Variants in FOXP2 observed in about 807,000 individuals in gnomAD.
The protein encoded by FOXP2 is forkhead box protein P2.
In FOXP2, 12 loss-of-function variants were observed where a neutral mutation model predicts 115.8. The observed-to-expected ratio is 0.10, with a 90% CI of 0.07 to 0.17. The LOEUF (loss-of-function observed/expected upper bound fraction) is 0.17, where lower values mean the gene tolerates loss of function less well. Among genes scored for constraint, FOXP2 ranks in the 10% least tolerant of loss-of-function variants. The pLI is 1.00. For synonymous variants in FOXP2, 328 were observed against 297.7 expected, an observed-to-expected ratio of 1.10 and a Z score of -1.05; for missense variants, 629 against 843.5, an observed-to-expected ratio of 0.75 and a Z score of 3.15.
chr7:114,386,913 C>T (rs1014865196), intron 2 of FOXP2, among the ~76,000 whole-genome samples: 3 of 152,146 alleles, frequency 2.0e-5, no homozygotes, highest in African/African-American at 4.8e-5. Context: ...AATTATTTCA[C>T]TTAATATCCC....
chr7:114,196,156 C>T (rs1436074720), intron 1 of FOXP2, among the ~76,000 whole-genome samples: 4 of 151,908 alleles, frequency 2.6e-5, no homozygotes, highest in Non-Finnish European at 4.4e-5. Context: ...GGGACTAGGG[C>T]GCGCGTCACC....
At chr7:114,416,887 C>A (rs1793372239) in intron 1 of FOXP2, among the ~76,000 whole-genome samples, 1 of 151,618 alleles carries the variant, frequency 6.6e-6, no homozygotes, top group Non-Finnish European at 1.5e-5. Flanking sequence ...TATTAGAAAA[C>A]AACTTGTTTG....
At chr7:114,479,655 G>C (rs1276511936) in intron 2 of FOXP2, among the ~76,000 whole-genome samples, 1 of 151,358 alleles carries the variant, frequency 6.6e-6, no homozygotes, top group Non-Finnish European at 1.5e-5. Flanking sequence ...GAAAGTGTGT[G>C]TGTTTTAAAA....
intron 1 of FOXP2, among the ~76,000 whole-genome samples, chr7:114,113,894 C>T (rs1791337386): frequency 1.3e-5 from 2 of 151,916 alleles, no homozygotes; most frequent in African/African-American, 4.8e-5. Flanking sequence ...TTTAAAATAA[C>T]TTGAGAAAGG....
intron 6 of FOXP2, among the ~76,000 whole-genome samples, chr7:114,638,563 T>C (rs771704523): frequency 1.3e-5 from 2 of 152,212 alleles, no homozygotes; most frequent in East Asian, 1.9e-4. Context: ...TTTGTAAGCA[T>C]ATAAAAGAGC....
chr7:114,647,835 AAT>A (rs1805999781), intron 8 of FOXP2, among the ~76,000 whole-genome samples: 1 of 152,056 alleles, frequency 6.6e-6, no homozygotes, highest in Non-Finnish European at 1.5e-5. Context: ...AAAGGTTTAC[AAT>A]ATAACATTCC....
intron 16 of FOXP2, among the ~76,000 whole-genome samples, chr7:114,680,600 C>CTTT (rs1337760464): frequency 6.6e-6 from 1 of 152,078 alleles, no homozygotes; most frequent in East Asian, 1.9e-4. Flanking sequence ...GACTATACCC[C>CTTT]TTACACTCCT....
chr7:114,625,718 G>T (rs1395292725), intron 3 of FOXP2, among the ~76,000 whole-genome samples: 1 of 151,638 alleles, frequency 6.6e-6, no homozygotes, highest in African/African-American at 2.4e-5. Flanking sequence ...AAGTGGACGG[G>T]TCTGCAATAT....
At chr7:114,496,387 A>G (rs1372721761) in intron 2 of FOXP2, among the ~76,000 whole-genome samples, 1 of 152,164 alleles carries the variant, frequency 6.6e-6, no homozygotes, top group Non-Finnish European at 1.5e-5. Context: ...TTAAAATCTA[A>G]TTAAATTAGA....
At chr7:114,177,087 A>G (rs1264177368) in intron 1 of FOXP2, among the ~76,000 whole-genome samples, 1 of 151,978 alleles carries the variant, frequency 6.6e-6, no homozygotes, top group Non-Finnish European at 1.5e-5. Context: ...ACTTACATTC[A>G]TTCTATTTGG....
chr7:114,357,103 A>C (rs1791635724), intron 2 of FOXP2, among the ~76,000 whole-genome samples: 1 of 152,174 alleles, frequency 6.6e-6, no homozygotes, highest in Non-Finnish European at 1.5e-5. Context: ...TAACTCTGTA[A>C]GTAAATGCCA....
chr7:114,404,645 T>C (rs1236311420), intron 2 of FOXP2, among the ~76,000 whole-genome samples: 2 of 152,108 alleles, frequency 1.3e-5, no homozygotes, highest in Non-Finnish European at 2.9e-5. Context: ...GTATAATAGG[T>C]AAACTACTGT....
At chr7:114,373,794 CT>C (rs1158633417) in intron 2 of FOXP2, among the ~76,000 whole-genome samples, 1 of 152,134 alleles carries the variant, frequency 6.6e-6, no homozygotes, top group Non-Finnish European at 1.5e-5. Flanking sequence ...TTTATAGTAT[CT>C]GTGTAAGATA....
chr7:114,356,135 A>G, intron 2 of FOXP2, among the ~76,000 whole-genome samples: 1 of 152,224 alleles, frequency 6.6e-6, no homozygotes, highest in East Asian at 1.9e-4. Context: ...TATAAAAACT[A>G]GCCTTGTTGT....
chr7:114,257,995 C>T (rs1795664771), intron 1 of FOXP2, among the ~76,000 whole-genome samples: 1 of 152,184 alleles, frequency 6.6e-6, no homozygotes, highest in African/African-American at 2.4e-5. Flanking sequence ...ATTATAAGCA[C>T]TTTGGTTTTT....
At chr7:114,613,033 C>T (rs543300348) in intron 3 of FOXP2, among the ~76,000 whole-genome samples, 4 of 152,110 alleles carry the variant, frequency 2.6e-5, no homozygotes, top group South Asian at 2.1e-4. Flanking sequence ...TTTATAATAA[C>T]TTAAATCTGG....
chr7:114,519,260 C>T (rs1798495933), intron 2 of FOXP2, among the ~76,000 whole-genome samples: 1 of 152,210 alleles, frequency 6.6e-6, no homozygotes, highest in East Asian at 1.9e-4. Context: ...GACAAGATCC[C>T]TTTTGTAAAA....
chr7:114,431,420 A>G (rs1794104308), intron 2 of FOXP2, among the ~76,000 whole-genome samples: 1 of 151,972 alleles, frequency 6.6e-6, no homozygotes, highest in African/African-American at 2.4e-5. Context: ...ACAGCAAATG[A>G]CAGGCATTTT....
intron 2 of FOXP2, among the ~76,000 whole-genome samples, chr7:114,461,029 A>C (rs1468217797): frequency 6.6e-6 from 1 of 152,182 alleles, no homozygotes; most frequent in Non-Finnish European, 1.5e-5. Flanking sequence ...TGTGCAGAGG[A>C]AAAACGGGCT....
Sources: allele counts gnomAD v4.1 joint callset (sites outside exome capture counted in the v4.1 genomes callset), GRCh38; gene constraint gnomAD v4.1.1; transcripts MANE v1.5; gene names NCBI Gene and HGNC (gene_info 2026-07-23, HGNC 2026-07-21).